Variants in SPON1 observed in about 807,000 individuals in gnomAD.
SPON1 encodes spondin-1.
A neutral mutation model predicts 111.7 loss-of-function variants in SPON1; 52 were observed. The ratio of observed to expected loss-of-function variants is 0.47; its 90% CI spans 0.37 to 0.59. The LOEUF is 0.59. SPON1 is among the 20% of genes least tolerant of loss of function. SPON1 has a pLI of 0.00. For synonymous variants in SPON1, 410 were observed against 395.8 expected (o/e 1.04, Z -0.43); for missense variants, 957 against 1,068.5 (o/e 0.90, Z 1.46).
chr11:14,082,577 G>C (rs1484025380), intron 5 of SPON1, among the ~76,000 whole-genome samples: 1 of 152,172 alleles, frequency 6.6e-6, no homozygotes. Context: ...GACCTGGGAG[G>C]CAGATGTCTA....
At chr11:14,186,811 C>G (rs1208253676) in intron 6 of SPON1, among the ~76,000 whole-genome samples, 1 of 152,210 alleles carries the variant, frequency 6.6e-6, no homozygotes, top group Non-Finnish European at 1.5e-5. Context: ...TAAGCCAGAT[C>G]TTCGTGTGAG....
At chr11:14,185,789 C>A (rs1374915976) in intron 6 of SPON1, among the ~76,000 whole-genome samples, 2 of 152,222 alleles carry the variant, frequency 1.3e-5, no homozygotes, top group Non-Finnish European at 2.9e-5. Context: ...CCAAGATGAG[C>A]AGCGCCCCTT....
intron 6 of SPON1, among the ~76,000 whole-genome samples, chr11:14,144,884 C>T (rs970701285): frequency 1.3e-5 from 2 of 151,932 alleles, no homozygotes; most frequent in Non-Finnish European, 2.9e-5. Context: ...TTAGGTGTGT[C>T]ACCCTGCTGC....
intron 6 of SPON1, among the ~76,000 whole-genome samples, chr11:14,213,933 G>T (rs1314261817): frequency 1.3e-5 from 2 of 152,124 alleles, no homozygotes; most frequent in African/African-American, 4.8e-5. Context: ...GCAAACACAA[G>T]CAACTATTCT....
intron 6 of SPON1, among the ~76,000 whole-genome samples, chr11:14,147,708 C>A (rs1373281603): frequency 6.6e-6 from 1 of 151,428 alleles, no homozygotes; most frequent in Non-Finnish European, 1.5e-5. Flanking sequence ...TGAGCCACCA[C>A]GGCTGGCCCA....
At chr11:14,075,782 A>G (rs1848913061) in intron 4 of SPON1, among the ~76,000 whole-genome samples, 1 of 152,204 alleles carries the variant, frequency 6.6e-6, no homozygotes, top group Admixed American at 6.5e-5. Context: ...TTGGAAAAAA[A>G]TCACCAGCAA....
intron 2 of SPON1, among the ~76,000 whole-genome samples, chr11:14,015,123 T>A (rs1471730303): frequency 6.6e-6 from 1 of 152,224 alleles, no homozygotes; most frequent in East Asian, 1.9e-4. Flanking sequence ...TTCTTATGAG[T>A]GTAAATGCTC....
intron 6 of SPON1, among the ~76,000 whole-genome samples, chr11:14,203,193 A>G (rs1439153119): frequency 6.6e-6 from 1 of 152,224 alleles, no homozygotes; most frequent in Non-Finnish European, 1.5e-5. Flanking sequence ...GTTTTGTTTG[A>G]CACAGAAGCA....
intron 2 of SPON1, among the ~76,000 whole-genome samples, chr11:13,998,887 A>C (rs1476843261): frequency 6.6e-6 from 1 of 152,262 alleles, no homozygotes; most frequent in Non-Finnish European, 1.5e-5. Flanking sequence ...TTTAATAGAC[A>C]ATACATAACT....
intron 2 of SPON1, among the ~76,000 whole-genome samples, chr11:14,032,011 C>T (rs1438362555): frequency 2.0e-5 from 3 of 152,110 alleles, no homozygotes; most frequent in African/African-American, 7.2e-5. Context: ...ATCATAATAG[C>T]CCCAAATTAT....
chr11:14,158,012 A>G (rs1360934616), intron 6 of SPON1, among the ~76,000 whole-genome samples: 5 of 151,830 alleles, frequency 3.3e-5, no homozygotes, highest in Non-Finnish European at 1.5e-5. Flanking sequence ...CCCTTGCTTC[A>G]GTTTCTTGGT....
chr11:14,068,728 C>A (rs1848852289), intron 3 of SPON1, among the ~76,000 whole-genome samples: 1 of 152,216 alleles, frequency 6.6e-6, no homozygotes, highest in Non-Finnish European at 1.5e-5. Context: ...CTTTCCCCAA[C>A]TCCACCTCAC....
At chr11:14,138,021 C>A (rs1847611680) in intron 6 of SPON1, among the ~76,000 whole-genome samples, 1 of 152,116 alleles carries the variant, frequency 6.6e-6, no homozygotes, top group South Asian at 2.1e-4. Context: ...AATATGAATC[C>A]TCCTAGAATA....
chr11:14,059,875 T>G (rs552365786), intron 3 of SPON1, among the ~76,000 whole-genome samples: 1 of 152,270 alleles, frequency 6.6e-6, no homozygotes, highest in African/African-American at 2.4e-5. Context: ...TTCTGCTAAT[T>G]GTGTTGTCAA....
chr11:14,201,923 T>A lies in SPON1; in HGVS notation c.826-41409T>A, dbSNP rs189394962. ...GGAGAAGATGGAGAAGTCATTTTTT[T>A]TCCTAATCTGTTTAGCTCATTCTCT... On this transcript the variant is annotated intron_variant, in intron 6 of 15. Coordinates refer to ENST00000576479, the MANE Select transcript of SPON1 (RefSeq NM_006108.4). Among the ~76,000 whole-genome samples, 176 of 152,312 alleles carry A rather than the reference T, an allele frequency of 1.2e-3. 1 individual carries two copies. Among genetic ancestry groups the A allele is most frequent in the South Asian group, 9.5e-3 (46 of 4,820 alleles).
At chr11:14,139,709 A>AATATATATATATAT (rs57464043) in intron 6 of SPON1, among the ~76,000 whole-genome samples, 16 of 145,404 alleles carry the variant, frequency 1.1e-4, no homozygotes, top group East Asian at 4.0e-4. Context: ...AAACATGTAA[A>AATATATATATATAT]ATATATATAT....
chr11:14,176,570 A>G (rs1848177858), intron 6 of SPON1, among the ~76,000 whole-genome samples: 1 of 152,172 alleles, frequency 6.6e-6, no homozygotes, highest in Non-Finnish European at 1.5e-5. Context: ...GGGAGAAGGA[A>G]GGTGGCCTTG....
intron 3 of SPON1, among the ~76,000 whole-genome samples, chr11:14,057,053 AAAC>A (rs1848750522): frequency 6.6e-6 from 1 of 152,130 alleles, no homozygotes; most frequent in Admixed American, 6.5e-5. Flanking sequence ...TAATATAAAT[AAAC>A]ACATATACCA....
At chr11:14,234,566 G>A (rs1848841192) in intron 6 of SPON1, among the ~76,000 whole-genome samples, 1 of 152,240 alleles carries the variant, frequency 6.6e-6, no homozygotes, top group African/African-American at 2.4e-5. Context: ...GACAAGCTAA[G>A]TAAATGCCGA....
Sources: allele counts gnomAD v4.1 joint callset (sites outside exome capture counted in the v4.1 genomes callset), GRCh38; gene constraint gnomAD v4.1.1; transcripts MANE v1.5; gene names NCBI Gene and HGNC (gene_info 2026-07-23, HGNC 2026-07-21).